COL19A1: variants seen among roughly 807,000 people sequenced by gnomAD.
COL19A1 encodes collagen alpha-1(XIX) chain.
Under a neutral mutation model 190.2 loss-of-function variants are expected in COL19A1, and 159 were observed. The observed-to-expected ratio is 0.84, with a 90% confidence interval of 0.73 to 0.95. The LOEUF (loss-of-function observed/expected upper bound fraction) is 0.95. COL19A1 is among the 40% of genes least tolerant of loss of function. The pLI is 0.00. For synonymous variants in COL19A1, 509 were observed against 458.9 expected (o/e 1.11, Z -1.39); for missense variants, 1,418 against 1,431.9 (o/e 0.99, Z 0.16).
chr6:69,948,039 C>A (rs140667842), intron 9 of COL19A1, among the ~76,000 whole-genome samples: 49 of 151,886 alleles, frequency 3.2e-4, no homozygotes, highest in African/African-American at 1.0e-3. Flanking sequence ...TTAAAAATAT[C>A]TTTTCTCTAG....
intron 15 of COL19A1, among the ~76,000 whole-genome samples, chr6:70,089,976 AT>A (rs1314188735): frequency 6.6e-6 from 1 of 152,088 alleles, no homozygotes; most frequent in Non-Finnish European, 1.5e-5. Flanking sequence ...GATTAAAAAT[AT>A]TTTTTAGCCT....
chr6:69,931,099 CTG>C (rs1772733178), intron 6 of COL19A1, among the ~76,000 whole-genome samples: 1 of 151,992 alleles, frequency 6.6e-6, no homozygotes, highest in African/African-American at 2.4e-5. Context: ...TGTACAAGCT[CTG>C]TGATTCATAA....
At chr6:70,102,286 A>G (rs1474880468) in intron 16 of COL19A1, 64 bp downstream of exon 16, 31 of 1,230,888 alleles carry the variant, frequency 2.5e-5, no homozygotes, top group Non-Finnish European at 3.0e-5. Context: ...GTGTTTACCT[A>G]AGGATTATTT....
intron 4 of COL19A1, among the ~76,000 whole-genome samples, chr6:69,921,068 T>C (rs1454282399): frequency 8.9e-6 from 1 of 112,558 alleles, no homozygotes; most frequent in Non-Finnish European, 1.7e-5. Context: ...TATATATTCA[T>C]AGACATATCA....
At chr6:69,910,143 G>C (rs1427155535) in intron 4 of COL19A1, among the ~76,000 whole-genome samples, 2 of 152,034 alleles carry the variant, frequency 1.3e-5, no homozygotes, top group Non-Finnish European at 2.9e-5. Flanking sequence ...AAAAAATAAG[G>C]CACCTTACTT....
At chr6:70,069,922 C>T (rs1369800938) in intron 15 of COL19A1, among the ~76,000 whole-genome samples, 2 of 152,150 alleles carry the variant, frequency 1.3e-5, no homozygotes, top group Admixed American at 1.3e-4. Context: ...CCTTATGCTA[C>T]TTTAAAATTT....
At chr6:70,113,467 C>T (rs1784391271) in intron 16 of COL19A1, among the ~76,000 whole-genome samples, 1 of 152,180 alleles carries the variant, frequency 6.6e-6, no homozygotes, top group African/African-American at 2.4e-5. Flanking sequence ...CAATTTCATG[C>T]TCCTTGGAGT....
intron 16 of COL19A1, 62 bp from the exon 17 acceptor site, chr6:70,121,818 T>C: frequency 9.5e-7 from 1 of 1,053,512 alleles, no homozygotes; most frequent in South Asian, 1.5e-5. Flanking sequence ...AGATATGTTA[T>C]TTAAATATTC....
At chr6:69,923,519 A>G (rs1772139539) in intron 4 of COL19A1, among the ~76,000 whole-genome samples, 1 of 152,158 alleles carries the variant, frequency 6.6e-6, no homozygotes, top group African/African-American at 2.4e-5. Context: ...TTTCCTGTGG[A>G]CATTAATTGA....
At chr6:69,878,563 G>A (rs1389282527) in intron 1 of COL19A1, among the ~76,000 whole-genome samples, 3 of 152,150 alleles carry the variant, frequency 2.0e-5, no homozygotes, top group Non-Finnish European at 4.4e-5. Flanking sequence ...CTAGGATATG[G>A]AGAAATTGGA....
intron 2 of COL19A1, among the ~76,000 whole-genome samples, chr6:69,882,770 T>C (rs1486409347): frequency 1.3e-5 from 2 of 152,242 alleles, no homozygotes; most frequent in Non-Finnish European, 2.9e-5. Context: ...TAGTTTTCTA[T>C]TAATTACAAG....
At chr6:70,180,642 A>G (rs1766115140) in intron 44 of COL19A1, 119 bp downstream of exon 44, 3 of 1,021,182 alleles carry the variant, frequency 2.9e-6, no homozygotes, top group Non-Finnish European at 3.0e-6. Context: ...AGTAAGAAGA[A>G]TGCACAGATG....
chr6:70,019,141 G>A (rs971924533), intron 11 of COL19A1, among the ~76,000 whole-genome samples: 3 of 152,124 alleles, frequency 2.0e-5, no homozygotes, highest in Non-Finnish European at 4.4e-5. Flanking sequence ...TGCAGTCAAA[G>A]TAATTGAGGA....
rs1225018192 is a variant in COL19A1, at chr6:70,085,836, T to A, written c.1225-16333T>A. The stretch of plus-strand genomic sequence containing the variant: ...TGCTCAGTTTACATCTTAAACTCCA[T>A]TTAAAAATTGTTATTGTGCTATTAG... On this transcript the variant is annotated intron_variant, in intron 15 of 50. Transcript: ENST00000620364. Among the ~76,000 whole-genome samples, 3 of 152,212 alleles carry A rather than the reference T, an allele frequency of 2.0e-5. No homozygotes were observed. The East Asian group carries it at 5.8e-4, about 29-fold the overall frequency.
intron 15 of COL19A1, among the ~76,000 whole-genome samples, chr6:70,100,296 C>T (rs892534801): frequency 9.2e-5 from 14 of 152,032 alleles, no homozygotes; most frequent in African/African-American, 3.4e-4. Context: ...ATTGATTAGT[C>T]CTCAGAGGCG....
intron 11 of COL19A1, among the ~76,000 whole-genome samples, chr6:70,002,826 A>T (rs1777351878): frequency 6.7e-6 from 1 of 150,024 alleles, no homozygotes; most frequent in Non-Finnish European, 1.5e-5. Context: ...TTTTCCTCAA[A>T]AAAGCAGCAC....
intron 14 of COL19A1, among the ~76,000 whole-genome samples, chr6:70,051,394 A>G (rs1216573002): frequency 1.3e-5 from 2 of 152,110 alleles, no homozygotes; most frequent in African/African-American, 2.4e-5. Flanking sequence ...AGAAAAAGGC[A>G]TTATTACTCA....
chr6:70,075,477 C>A (rs964728548), intron 15 of COL19A1, among the ~76,000 whole-genome samples: 1 of 152,162 alleles, frequency 6.6e-6, no homozygotes, highest in Non-Finnish European at 1.5e-5. Flanking sequence ...CCTTCAAGGG[C>A]GTAGTTGTGC....
chr6:70,003,500 A>G (rs1409788331), intron 11 of COL19A1, among the ~76,000 whole-genome samples: 1 of 152,064 alleles, frequency 6.6e-6, no homozygotes, highest in Non-Finnish European at 1.5e-5. Context: ...ATTGTGTGGG[A>G]GTCTAAGTCT....
Sources: allele counts gnomAD v4.1 joint callset (sites outside exome capture counted in the v4.1 genomes callset), GRCh38; gene constraint gnomAD v4.1.1; transcripts MANE v1.5; gene names NCBI Gene and HGNC (gene_info 2026-07-23, HGNC 2026-07-21).